IGFN1: variants seen among roughly 807,000 people sequenced by gnomAD.
IGFN1 encodes immunoglobulin like and fibronectin type III domain containing 1.
A neutral mutation model predicts 289.5 loss-of-function variants in IGFN1; 253 were observed. That is an observed-to-expected ratio of 0.87 (90% confidence interval 0.79 to 0.97). IGFN1 has a LOEUF of 0.97. IGFN1 is among the 50% of genes least tolerant of loss of function. The pLI, the probability that IGFN1 is intolerant of heterozygous loss-of-function variation, is 0.00. For missense variants in IGFN1, 4,470 were observed against 4,686.1 expected (o/e 0.95, Z 1.35); for synonymous variants, 1,706 against 1,788.5 (o/e 0.95, Z 1.16).
Position 201,209,478 on chromosome 1 carries a change from G to A in IGFN1, c.4585G>A (p.Gly1529Ser). 1 of 1,537,006 alleles carries A rather than the reference G, an allele frequency of 6.5e-7. No homozygotes were observed. Among genetic ancestry groups the A allele is most frequent in the Non-Finnish European group, 8.7e-7 (1 of 1,146,810 alleles). The stretch of plus-strand genomic sequence containing the variant: ...GGAAATGGGGTCTGTGGATAAGGCA[G>A]GCTATAGGAAGGATTTGGGGGCTTC... ...SGEMGSVDKA[G>S]YRKDLGASEA... The change falls in exon 12 of 24, where the codon GGC (glycine) becomes AGC (serine). Residue 1529 changes from glycine to serine, a missense_variant. By Grantham distance (56) the Gly-to-Ser change is moderately conservative. Around this residue, in one of 8 missense-constraint regions of IGFN1, gnomAD observed 2,011 missense variants for 1,953.4 expected, o/e 1.03. Transcript: ENST00000335211.
chr1:201,210,818 G>T lies in IGFN1; in HGVS notation c.5925G>T (p.Gly1975=). 1 of 1,524,944 alleles carries T rather than the reference G, an allele frequency of 6.6e-7. No homozygotes were observed. The highest frequency in any genetic ancestry group is 2.0e-5 in the Admixed American group (1 of 49,672). The allele number at this position is 1,524,944 out of a possible 1,614,324, so 94.5% of individuals were successfully genotyped here. Residue 1975 remains glycine, a synonymous_variant, in exon 12 of 24, where the codon GGG becomes GGT. Coordinates refer to ENST00000335211, the MANE Select transcript of IGFN1 (RefSeq NM_001164586.2). ...GGGCTCCTAAGGGAATGGGTTCAGG[G>T]AGTAAGGAAGGTTTCAGGGATGGTT... ...DLGAPKGMGS[G]SKEGFRDGLG...
intron 15 of IGFN1, 92 bp from the exon 16 acceptor site, chr1:201,216,362 A>T: frequency 1.3e-6 from 1 of 760,526 alleles, no homozygotes; most frequent in Non-Finnish European, 1.7e-6. Context: ...GGTGGGGGGG[A>T]GTCGGGGTGG....
rs4915223 is a variant in IGFN1, at chr1:201,210,972, C to T, written c.6079C>T (p.Arg2027Trp). The part of the protein sequence containing the change: ...RDGLGGSEEM[R>W]SMDEAGYRKD... ...TGGTTTAGGGGGTTCTGAAGAAATG[C>T]GGTCAATGGATGAGGCAGGTTATAG... The change falls in exon 12 of 24, where the codon CGG (arginine) becomes TGG (tryptophan). Residue 2027 changes from arginine (R) to tryptophan (W), a missense_variant. Physicochemically the swap from Arg to Trp is moderately radical, Grantham distance 101. Transcript: ENST00000335211. 65,774 of 569,066 alleles carry T rather than the reference C, an allele frequency of 0.12. 1,893 individuals are homozygous for T. The highest frequency in any genetic ancestry group is 0.13 in the Non-Finnish European group (57,202 of 456,792). The allele number at this position is 569,066 out of a possible 1,614,324, so 35.3% of individuals were successfully genotyped here. A position where few individuals can be genotyped will look rare whatever the true frequency, so the allele number is the denominator to read the frequency against.
At chr1:201,218,962 C>T (rs780328396) in intron 18 of IGFN1, among the ~76,000 whole-genome samples, 4 of 151,550 alleles carry the variant, frequency 2.6e-5, no homozygotes, top group Non-Finnish European at 5.9e-5. Flanking sequence ...TGCTTGAGCC[C>T]GGGAGTTTGA....
intron 23 of IGFN1, among the ~76,000 whole-genome samples, chr1:201,228,058 C>T (rs1022407641): frequency 7.9e-5 from 12 of 152,194 alleles, no homozygotes; most frequent in African/African-American, 2.7e-4. Flanking sequence ...TGTGGAAAAA[C>T]GGCCCCTTTG....
Position 201,194,338 on chromosome 1 carries a change from G to A in IGFN1, c.127+65G>A. ...TTGCTCTCCTACCTCCCAGGGGAGA[G>A]GGCTGGGGCACCAACCTTCCTGGGG... On this transcript the variant is annotated intron_variant, in intron 3 of 23. Coordinates refer to ENST00000335211, the MANE Select transcript of IGFN1 (RefSeq NM_001164586.2). 2.0e-6 allele frequency: 3 copies of A among 1,530,152 alleles called. No individual in the cohort carries two copies. The African/African-American group carries it at 4.1e-5, about 21-fold the overall frequency. The allele number at this position is 1,530,152 out of a possible 1,614,324, so 94.8% of individuals were successfully genotyped here.
chr1:201,227,105 C>A lies in IGFN1; in HGVS notation c.11010C>A (p.Ser3670=), dbSNP rs987222713. Residue 3670 remains serine (S), a synonymous_variant, in exon 23 of 24, where the codon TCC becomes TCA. Coordinates refer to ENST00000335211, the MANE Select transcript of IGFN1 (RefSeq NM_001164586.2). ...VYSTDLLGVC[S]LTIPSVSPKD... ...GCACTGACCTGCTGGGCGTGTGCTC[C>A]CTCACCATCCCCAGCGTATCCCCGA... 5.0e-6 allele frequency: 8 copies of A among 1,613,458 alleles called. No individual in the cohort carries two copies. The African/African-American group carries it at 1.1e-4, about 22-fold the overall frequency.
chr1:201,216,667 G>C lies in IGFN1; in HGVS notation c.9509G>C (p.Arg3170Thr). 1 of 1,614,106 alleles carries C rather than the reference G, an allele frequency of 6.2e-7. No individual in the cohort carries two copies. The highest frequency in any genetic ancestry group is 8.5e-7 in the Non-Finnish European group (1 of 1,179,990). The change falls in exon 16 of 24, where the codon AGG (arginine) becomes ACG (threonine). Residue 3170 changes from arginine (R) to threonine (T), a missense_variant. This residue lies in a region of IGFN1 where 2,218 missense variants were observed against 2,114.1 expected (regional missense o/e 1.05). Transcript: ENST00000335211. ...TFTDAHVEPG[R>T]KYTFRVRAVT... ...ACGGATGCCCATGTGGAGCCAGGCA[G>C]GAAGTATACCTTCCGAGTGCGGGCT...
chr1:201,205,081 G>A lies in IGFN1; in HGVS notation c.917-1G>A. On this transcript the variant is annotated splice_acceptor_variant, in intron 10 of 23. Coordinates refer to ENST00000335211, the MANE Select transcript of IGFN1 (RefSeq NM_001164586.2). LOFTEE classifies it high-confidence loss of function. ...TATCCCCATTCCTATTTCCCCGGCA[G>A]CCATCCCCCCAAGAGTGGTGGTCCC... is the stretch of plus-strand genomic sequence containing the variant. 1 of 1,537,200 alleles carries A rather than the reference G, an allele frequency of 6.5e-7. No homozygotes were observed. Among genetic ancestry groups the A allele is most frequent in the Non-Finnish European group, 8.8e-7 (1 of 1,136,696 alleles).
In IGFN1 at chr1:201,205,212, C is replaced by A. The variant is rs1027911574; in HGVS notation, c.1047C>A (p.His349Gln). 3.2e-6 allele frequency: 5 copies of A among 1,551,076 alleles called. No homozygotes were observed. In the African/African-American group the frequency reaches 6.8e-5, roughly 21 times the overall value. ...GGCATTTCCGGCACCGGCTACTCCA[C>A]CCCAGTGACAAATATGAAGTGTATG... ...AAWHFRHRLL[H>Q]PSDKYEVYVS... Residue 349 changes from histidine (H) to glutamine (Q), a missense_variant, in exon 11 of 24, where the codon CAC becomes CAA. By Grantham distance (24) the His-to-Gln change is conservative. This residue lies in a region of IGFN1 where 2,011 missense variants were observed against 1,953.4 expected (regional missense o/e 1.03). Transcript: ENST00000335211.
At chr1:201,218,730 A>G in intron 18 of IGFN1, 72 bp downstream of exon 18, 1 of 1,480,728 alleles carries the variant, frequency 6.8e-7, no homozygotes, top group Non-Finnish European at 9.2e-7. Flanking sequence ...GTGGGACTTG[A>G]TGGGAGGTCA....
chr1:201,217,195 C>G, intron 16 of IGFN1, 92 bp from the exon 17 acceptor site: 1 of 1,154,932 alleles, frequency 8.7e-7, no homozygotes, highest in Non-Finnish European at 1.3e-6. Context: ...TGTGGCCTGT[C>G]CCAGATGCCT....
At chr1:201,195,717 T>A in intron 3 of IGFN1, 122 bp from the exon 4 acceptor site, 1 of 1,102,782 alleles carries the variant, frequency 9.1e-7, no homozygotes, top group Admixed American at 2.9e-5. Context: ...CCTGGCATCC[T>A]TTTTGGAAGG....
In IGFN1 at chr1:201,215,518, ACT is replaced by A. The variant is rs765760556; in HGVS notation, c.8996-16_8996-15del. On this transcript the variant is annotated intron_variant, in intron 14 of 23. Transcript: ENST00000335211. ...GTGCCCAGTGCCCTGGTCTTCCTTGACTCTCTTGTTTTATTTCTAGATTCCCC... is the reference window on the plus strand; with the variant it reads ...GTGCCCAGTGCCCTGGTCTTCCTTGACTCTTGTTTTATTTCTAGATTCCCC... 9.1e-6 allele frequency: 14 copies of A among 1,531,892 alleles called. No homozygotes were observed. In the African/African-American group the frequency reaches 9.7e-5, roughly 11 times the overall value. 94.9% of individuals were successfully genotyped at this position (1,531,892 alleles called of 1,614,324 possible). A position where few individuals can be genotyped will look rare whatever the true frequency, so the allele number is the denominator to read the frequency against.
chr1:201,226,032 C>T lies in IGFN1; in HGVS notation c.10695C>T (p.His3565=), dbSNP rs142521907. 36 of 1,588,898 alleles carry T rather than the reference C, an allele frequency of 2.3e-5. No individual in the cohort carries two copies. The highest frequency in any genetic ancestry group is 1.2e-4 in the African/African-American group (9 of 74,428). ...RFTLLGILPG[H]EYHFRVVAKN... Reference sequence around the variant, plus strand: ...CCCTCCTGGGCATCCTCCCCGGCCACGAATACCACTTCAGGGTGGTGGCCA... The same window carrying T: ...CCCTCCTGGGCATCCTCCCCGGCCATGAATACCACTTCAGGGTGGTGGCCA... The change falls in exon 22 of 24, where the codon CAC becomes CAT. Residue 3565 remains histidine (H), a synonymous_variant. Transcript: ENST00000335211.
chr1:201,197,801 T>C (rs1666982831), intron 5 of IGFN1, among the ~76,000 whole-genome samples: 1 of 152,242 alleles, frequency 6.6e-6, no homozygotes. Context: ...AAAAGGTAGA[T>C]ATCTCTTGAG....
In IGFN1 at chr1:201,200,326, G is replaced by T; in HGVS notation, c.548G>T (p.Cys183Phe). 2.6e-6 allele frequency: 4 copies of T among 1,551,734 alleles called. No homozygotes were observed. Among genetic ancestry groups the T allele is most frequent in the Non-Finnish European group, 3.5e-6 (4 of 1,146,974 alleles). The change falls in exon 8 of 24, where the codon TGC (cysteine) becomes TTC (phenylalanine). Residue 183 changes from cysteine to phenylalanine, a missense_variant. Around this residue, in one of 8 missense-constraint regions of IGFN1, gnomAD observed 2,011 missense variants for 1,953.4 expected, o/e 1.03. Transcript: ENST00000335211. ...GACAGGAAGGACTACGAGAAGATCT[G>T]CTTGAAGTATGGCATCGTCGACTAC... ...TADRKDYEKICLKYGIVDYRG... is the reference protein window; with the variant it reads ...TADRKDYEKIFLKYGIVDYRG...
In IGFN1 at chr1:201,209,123, T is replaced by C; in HGVS notation, c.4230T>C (p.His1410=). 1 of 1,528,696 alleles carries C rather than the reference T, an allele frequency of 6.5e-7. No homozygotes were observed. Among genetic ancestry groups the C allele is most frequent in the Non-Finnish European group, 8.7e-7 (1 of 1,144,536 alleles). The allele number at this position is 1,528,696 out of a possible 1,614,324, so 94.7% of individuals were successfully genotyped here. Residue 1410 remains histidine, a synonymous_variant, in exon 12 of 24, where the codon CAT becomes CAC. Coordinates refer to ENST00000335211, the MANE Select transcript of IGFN1 (RefSeq NM_001164586.2). ...TGGGGTCACTGGATGAGTCAGGTCA[T>C]AGGAATGGGATTGGAGGTTATGGGG... ...GEMGSLDESG[H]RNGIGGYGEM... is the part of the protein sequence containing the mutation.
chr1:201,207,362 C>G lies in IGFN1; in HGVS notation c.2469C>G (p.His823Gln). ...CTTCCCAGGGCTGGACAGCAGGTCA[C>G]AGAGCAGCAGGGGGTATTGGCAGAA... ...FQSSQGWTAGHRAAGGIGRIE... is the reference protein window; with the variant it reads ...FQSSQGWTAGQRAAGGIGRIE... The change falls in exon 12 of 24, where the codon CAC becomes CAG. Residue 823 changes from histidine (H) to glutamine (Q), a missense_variant. By Grantham distance (24) the His-to-Gln change is conservative. Around this residue, in one of 8 missense-constraint regions of IGFN1, gnomAD observed 2,011 missense variants for 1,953.4 expected, o/e 1.03. Coordinates refer to ENST00000335211, the MANE Select transcript of IGFN1 (RefSeq NM_001164586.2). 6.5e-7 allele frequency: 1 copy of G among 1,536,946 alleles called. No homozygotes were observed. Among genetic ancestry groups the G allele is most frequent in the Non-Finnish European group, 8.7e-7 (1 of 1,146,856 alleles).
Sources: allele counts gnomAD v4.1 joint callset (sites outside exome capture counted in the v4.1 genomes callset), GRCh38; gene constraint gnomAD v4.1.1; regional missense constraint gnomAD v4.1.1; transcripts MANE v1.5; gene names NCBI Gene and HGNC (gene_info 2026-07-23, HGNC 2026-07-21).